CCSER1: variants seen among roughly 807,000 people sequenced by gnomAD.
CCSER1 encodes coiled-coil serine rich protein 1.
CCSER1 carries 41 observed loss-of-function variants against 82.0 expected under a neutral mutation model. The ratio of observed to expected loss-of-function variants is 0.50; its 90% CI spans 0.39 to 0.65. CCSER1 has a LOEUF of 0.65. Among genes scored for constraint, CCSER1 ranks in the 30% least tolerant of loss-of-function variants. The probability of loss-of-function intolerance (pLI) is 0.00; values close to 1 mark genes in which losing one functional copy is unlikely to be tolerated. For synonymous variants in CCSER1, 414 were observed against 383.9 expected (o/e 1.08, Z -0.92); for missense variants, 1,119 against 1,064.2 (o/e 1.05, Z -0.72).
intron 1 of CCSER1, among the ~76,000 whole-genome samples, chr4:90,140,584 C>T (rs775009435): frequency 6.0e-5 from 9 of 150,192 alleles, no homozygotes; most frequent in Non-Finnish European, 7.4e-5. Context: ...CACATGTACA[C>T]AGGTATGTAG....
At chr4:90,303,836 A>G (rs1733679117) in intron 1 of CCSER1, among the ~76,000 whole-genome samples, 1 of 151,162 alleles carries the variant, frequency 6.6e-6, no homozygotes, top group African/African-American at 2.4e-5. Flanking sequence ...CTGCACAGCA[A>G]AAGAAACTAC....
chr4:90,476,022 G>A (rs1282670427), intron 5 of CCSER1, among the ~76,000 whole-genome samples: 4 of 46,170 alleles, frequency 8.7e-5, no homozygotes, highest in East Asian at 5.5e-4. Context: ...TTCTTTTCTC[G>A]TGTGTGTGTG....
At chr4:91,181,896 C>G (rs1030311695) in intron 10 of CCSER1, among the ~76,000 whole-genome samples, 1 of 152,064 alleles carries the variant, frequency 6.6e-6, no homozygotes, top group African/African-American at 2.4e-5. Context: ...GTGATTGCAT[C>G]CAGGCATTAT....
At chr4:90,611,368 T>G (rs1469159514) in intron 5 of CCSER1, among the ~76,000 whole-genome samples, 1 of 152,110 alleles carries the variant, frequency 6.6e-6, no homozygotes, top group Non-Finnish European at 1.5e-5. Context: ...TCAGTAGATC[T>G]TTTTAGTATG....
intron 10 of CCSER1, among the ~76,000 whole-genome samples, chr4:91,120,978 T>C (rs1345235249): frequency 6.6e-6 from 1 of 151,944 alleles, no homozygotes; most frequent in Non-Finnish European, 1.5e-5. Context: ...CTCTTCTCTC[T>C]CCCTCCTGCT....
At chr4:91,508,558 G>GTT (rs201824630) in intron 10 of CCSER1, among the ~76,000 whole-genome samples, 38 of 133,336 alleles carry the variant, frequency 2.8e-4, no homozygotes, top group African/African-American at 5.7e-4. Context: ...CTGGTCTGTA[G>GTT]TTTTTTTTTT....
chr4:90,160,828 A>C (rs1437096889), intron 1 of CCSER1, among the ~76,000 whole-genome samples: 1 of 152,166 alleles, frequency 6.6e-6, no homozygotes, highest in African/African-American at 2.4e-5. Context: ...AAGATTAGCA[A>C]AAAAACAGGA....
At chr4:91,299,983 C>T (rs938506176) in intron 10 of CCSER1, among the ~76,000 whole-genome samples, 14 of 151,946 alleles carry the variant, frequency 9.2e-5, no homozygotes, top group African/African-American at 3.4e-4. Flanking sequence ...AAAACATTGC[C>T]AAGTTAGCAG....
At chr4:91,122,484 A>G (rs539626932) in intron 10 of CCSER1, among the ~76,000 whole-genome samples, 4 of 151,812 alleles carry the variant, frequency 2.6e-5, no homozygotes, top group East Asian at 3.9e-4. Context: ...ACTATATGCA[A>G]ATATCAAACA....
intron 10 of CCSER1, among the ~76,000 whole-genome samples, chr4:91,245,949 G>A (rs900933102): frequency 6.6e-6 from 1 of 152,124 alleles, no homozygotes; most frequent in Non-Finnish European, 1.5e-5. Context: ...ACCCACCTCG[G>A]CCTCCCAAAG....
intron 10 of CCSER1, among the ~76,000 whole-genome samples, chr4:91,507,666 A>T (rs772115894): frequency 6.6e-6 from 1 of 151,702 alleles, no homozygotes; most frequent in Non-Finnish European, 1.5e-5. Flanking sequence ...CGTCCTTTAC[A>T]TATATATAAC....
chr4:90,949,763 T>C (rs1301715019), intron 9 of CCSER1, among the ~76,000 whole-genome samples: 1 of 149,932 alleles, frequency 6.7e-6, no homozygotes, highest in Non-Finnish European at 1.5e-5. Context: ...TTAATAGCCA[T>C]AATGATTCTA....
chr4:90,833,155 G>T (rs964331869), intron 8 of CCSER1, among the ~76,000 whole-genome samples: 11 of 152,144 alleles, frequency 7.2e-5, no homozygotes, highest in African/African-American at 2.2e-4. Flanking sequence ...GAACTGGCAG[G>T]TTCAGTGTTT....
At chr4:90,514,888 A>G (rs1432070800) in intron 5 of CCSER1, among the ~76,000 whole-genome samples, 1 of 143,774 alleles carries the variant, frequency 7.0e-6, no homozygotes, top group Non-Finnish European at 1.5e-5. Flanking sequence ...TTTTTTTTTG[A>G]GATGGAGTCT....
chr4:91,191,648 C>G (rs1241437372), intron 10 of CCSER1, among the ~76,000 whole-genome samples: 1 of 152,120 alleles, frequency 6.6e-6, no homozygotes, highest in Non-Finnish European at 1.5e-5. Flanking sequence ...AAGGCAGGTT[C>G]CACAGTTTCA....
chr4:90,656,078 GA>G, intron 6 of CCSER1, among the ~76,000 whole-genome samples: 1 of 151,730 alleles, frequency 6.6e-6, no homozygotes, highest in Admixed American at 6.6e-5. Flanking sequence ...ATCTTTCAGA[GA>G]AAGAAAAAGA....
intron 10 of CCSER1, among the ~76,000 whole-genome samples, chr4:91,566,691 A>T (rs186891439): frequency 6.6e-6 from 1 of 152,006 alleles, no homozygotes; most frequent in Non-Finnish European, 1.5e-5. Flanking sequence ...TGTTCATAAT[A>T]GTTTCTGATG....
At chr4:91,326,421 C>G (rs1472428602) in intron 10 of CCSER1, among the ~76,000 whole-genome samples, 1 of 151,940 alleles carries the variant, frequency 6.6e-6, no homozygotes, top group African/African-American at 2.4e-5. Context: ...CTTGTGAGAA[C>G]TCATTCACTA....
intron 9 of CCSER1, among the ~76,000 whole-genome samples, chr4:91,037,518 C>T (rs1741551998): frequency 6.6e-6 from 1 of 152,112 alleles, no homozygotes; most frequent in African/African-American, 2.4e-5. Context: ...TTGTGTTCCA[C>T]TTTAACCTTT....
Sources: gnomAD v4.1 joint callset for allele counts (sites outside exome capture counted in the v4.1 genomes callset) on GRCh38, gnomAD v4.1.1 for gene constraint, MANE v1.5 for transcripts, NCBI Gene and HGNC (gene_info 2026-07-23, HGNC 2026-07-21) for gene names.